The following TYW1B variants were observed in gnomAD, a reference collection of about 807,000 sequenced individuals.
The protein encoded by TYW1B is tRNA-yW synthesizing protein 1 homolog B.
Under a neutral mutation model 86.9 loss-of-function variants are expected in TYW1B, and 73 were observed. The observed-to-expected ratio is 0.84, with a 90% CI of 0.70 to 1.02. The LOEUF is 1.02. Among genes scored for constraint, TYW1B ranks in the 50% least tolerant of loss-of-function variants. The probability of loss-of-function intolerance (pLI) is 0.00; values close to 1 mark genes in which losing one functional copy is unlikely to be tolerated. For missense variants in TYW1B, 637 were observed against 827.4 expected, an observed-to-expected ratio of 0.77 and a Z score of 2.82; for synonymous variants, 248 against 292.8, an observed-to-expected ratio of 0.85 and a Z score of 1.56.
At chr7:72,605,651 C>T (rs1166486325) in intron 13 of TYW1B, among the ~76,000 whole-genome samples, 1 of 152,098 alleles carries the variant, frequency 6.6e-6, no homozygotes, top group Admixed American at 6.6e-5. Flanking sequence ...CGTGCCTGGC[C>T]ACATCTCTGC....
At chr7:72,622,817 CACACACTACACAA>C (rs781878592) in intron 12 of TYW1B, among the ~76,000 whole-genome samples, 4,281 of 152,152 alleles carry the variant, frequency 0.028, 75 homozygotes, top group Non-Finnish European at 0.038. Flanking sequence ...CACACATGCA[CACACACTACACAA>C]ACACACCACA....
At chr7:72,576,471 C>T (rs1811023655) in intron 13 of TYW1B, among the ~76,000 whole-genome samples, 1 of 150,548 alleles carries the variant, frequency 6.6e-6, no homozygotes, top group African/African-American at 2.4e-5. Flanking sequence ...ACGCTGATAC[C>T]TGACTCATAA....
intron 7 of TYW1B, among the ~76,000 whole-genome samples, chr7:72,759,669 T>G (rs1416457360): frequency 6.6e-6 from 1 of 152,220 alleles, no homozygotes; most frequent in African/African-American, 2.4e-5. Context: ...TTAAATCTGC[T>G]GACTTTTCTA....
At chr7:72,733,373 T>A (rs1787145855) in intron 8 of TYW1B, among the ~76,000 whole-genome samples, 1 of 152,050 alleles carries the variant, frequency 6.6e-6, no homozygotes, top group Admixed American at 6.6e-5. Context: ...GGTATAAAAA[T>A]CCTTGGCCGG....
intron 11 of TYW1B, among the ~76,000 whole-genome samples, chr7:72,687,897 A>AG (rs1353322360): frequency 1.3e-5 from 2 of 151,218 alleles, no homozygotes; most frequent in African/African-American, 2.5e-5. Flanking sequence ...TCTCAAAAAA[A>AG]AATTTTTTAG....
At chr7:72,676,067 G>A (rs1180895944) in intron 11 of TYW1B, among the ~76,000 whole-genome samples, 1 of 152,052 alleles carries the variant, frequency 6.6e-6, no homozygotes, top group African/African-American at 2.4e-5. Flanking sequence ...TTAACAAACT[G>A]AAGCTCTTTG....
chr7:72,662,018 C>G (rs1443749184), intron 11 of TYW1B, among the ~76,000 whole-genome samples: 1 of 152,114 alleles, frequency 6.6e-6, no homozygotes, highest in African/African-American at 2.4e-5. Flanking sequence ...CAAAAAATGG[C>G]AACCAGAGTC....
intron 2 of TYW1B, among the ~76,000 whole-genome samples, chr7:72,818,839 C>G (rs114348696): frequency 5.9e-5 from 9 of 152,042 alleles, no homozygotes; most frequent in Admixed American, 5.9e-4. Context: ...AACTCACTCA[C>G]TGTCACGAGG....
chr7:72,811,295 GAAAAAAGA>G (rs1368273306), intron 3 of TYW1B, among the ~76,000 whole-genome samples: 1 of 18,994 alleles, frequency 5.3e-5, no homozygotes, highest in Admixed American at 5.0e-4. Flanking sequence ...AAGAAAGAAA[GAAAAAAGA>G]AAAAAGAAAA....
chr7:72,607,071 A>AT (rs1310505117), intron 13 of TYW1B, among the ~76,000 whole-genome samples: 1 of 152,136 alleles, frequency 6.6e-6, no homozygotes, highest in Non-Finnish European at 1.5e-5. Flanking sequence ...GCCATCACAA[A>AT]TGTGCTTCAA....
chr7:72,709,948 G>C (rs1484240311), intron 10 of TYW1B, among the ~76,000 whole-genome samples: 1 of 152,178 alleles, frequency 6.6e-6, no homozygotes, highest in Non-Finnish European at 1.5e-5. Flanking sequence ...ATCAAGGCTA[G>C]TACGAACATC....
chr7:72,729,950 G>T (rs1554459512), intron 8 of TYW1B, among the ~76,000 whole-genome samples: 1 of 152,160 alleles, frequency 6.6e-6, no homozygotes, highest in African/African-American at 2.4e-5. Flanking sequence ...GGCACTCACA[G>T]GAACCACAGG....
rs1554455332 is a variant in TYW1B at position 72,713,788 on chromosome 7, G to A, written c.1203C>T (p.Gly401=). The A allele has an allele frequency of 4.4e-6, 7 of 1,586,276 alleles. No individual in the cohort carries two copies. The highest frequency in any genetic ancestry group is 1.3e-5 in the African/African-American group (1 of 74,236). ...CTTCTTCAAAGCGTTCTGCTTTGAC[G>A]CCCGGTACTCCTGGAGAATACAGTG... ...NMIKQFKGVP[G]VKAERFEEGM... Residue 401 remains glycine, a synonymous_variant, in exon 10 of 14, where the codon GGC becomes GGT. Coordinates refer to ENST00000620995, the MANE Select transcript of TYW1B (RefSeq NM_001145440.3).
intron 7 of TYW1B, among the ~76,000 whole-genome samples, chr7:72,767,191 G>A (rs147607897): frequency 0.011 from 1,740 of 152,202 alleles, 13 homozygotes; most frequent in Non-Finnish European, 0.019. Flanking sequence ...CTCTGCCAAC[G>A]TCATCTGCCC....
intron 13 of TYW1B, among the ~76,000 whole-genome samples, chr7:72,594,787 A>G (rs1213544276): frequency 1.3e-5 from 2 of 152,202 alleles, no homozygotes; most frequent in African/African-American, 2.4e-5. Context: ...CAGCATATTA[A>G]AAGAATTATA....
chr7:72,619,071 G>A (rs1554437454), intron 12 of TYW1B, among the ~76,000 whole-genome samples: 1 of 152,152 alleles, frequency 6.6e-6, no homozygotes, highest in African/African-American at 2.4e-5. Context: ...CATGTCCGAG[G>A]ACTTTCCAGA....
intron 13 of TYW1B, among the ~76,000 whole-genome samples, chr7:72,604,258 T>C (rs1811743577): frequency 6.6e-6 from 1 of 150,682 alleles, no homozygotes; most frequent in Admixed American, 6.6e-5. Flanking sequence ...AGGTCAGGAG[T>C]TCAAGGCCAG....
intron 11 of TYW1B, among the ~76,000 whole-genome samples, chr7:72,655,811 A>G (rs1288309820): frequency 6.6e-5 from 10 of 152,118 alleles, no homozygotes; most frequent in Non-Finnish European, 1.2e-4. Context: ...GCCCATCTGC[A>G]CACACTGTCC....
chr7:72,709,487 GA>G (rs1322201632), intron 10 of TYW1B, among the ~76,000 whole-genome samples: 2 of 147,102 alleles, frequency 1.4e-5, no homozygotes, highest in Non-Finnish European at 3.0e-5. Context: ...CTAACACGGT[GA>G]AACCCCTGTC....
Sources: gnomAD v4.1 joint callset for allele counts (sites outside exome capture counted in the v4.1 genomes callset) on GRCh38, gnomAD v4.1.1 for gene constraint, MANE v1.5 for transcripts, NCBI Gene and HGNC (gene_info 2026-07-23, HGNC 2026-07-21) for gene names.